The following TENM1 variants were observed in gnomAD, a reference collection of about 807,000 sequenced individuals.
TENM1 encodes the protein teneurin-1.
Under a neutral mutation model 174.8 loss-of-function variants are expected in TENM1, and 35 were observed. That is an observed-to-expected ratio of 0.20 (90% CI 0.15 to 0.27). TENM1 has a LOEUF of 0.27. TENM1 is among the 10% of genes least tolerant of loss of function. TENM1 has a pLI of 1.00. For synonymous variants in TENM1, 781 were observed against 798.7 expected, an observed-to-expected ratio of 0.98 and a Z score of 0.37; for missense variants, 1,633 against 2,130.1, an observed-to-expected ratio of 0.77 and a Z score of 4.59.
At chrX:124,885,737 T>C (rs1382001854) in intron 3 of TENM1, among the ~76,000 whole-genome samples, 2 of 111,288 alleles carry the variant, frequency 1.8e-5, no homozygotes, top group African/African-American at 6.5e-5. Context: ...TTAAAAAATA[T>C]TACTTTTATA....
chrX:124,709,764 AC>A (rs928602428), intron 4 of TENM1, among the ~76,000 whole-genome samples: 31 of 110,931 alleles, frequency 2.8e-4, no homozygotes, highest in Non-Finnish European at 2.6e-4. Context: ...CCTGGGCCCA[AC>A]AAATACTATC....
intron 11 of TENM1, among the ~76,000 whole-genome samples, chrX:124,612,733 T>C (rs2050307257): frequency 9.0e-6 from 1 of 111,094 alleles, no homozygotes; most frequent in Non-Finnish European, 1.9e-5. Context: ...GACCTCCTTC[T>C]TTTCCTTGCT....
chrX:124,990,146 G>T, the TENM1 span, among the ~76,000 whole-genome samples: 1 of 110,886 alleles, frequency 9.0e-6, no homozygotes, highest in Non-Finnish European at 1.9e-5. Flanking sequence ...TTAAACTGAG[G>T]CCTTCTGGAT....
intron 3 of TENM1, among the ~76,000 whole-genome samples, chrX:124,739,172 CT>C (rs891897385): frequency 9.2e-6 from 1 of 109,185 alleles, no homozygotes; most frequent in Non-Finnish European, 1.9e-5. Context: ...TGCCTCTACC[CT>C]TTAGAAGCTT....
intron 20 of TENM1, among the ~76,000 whole-genome samples, chrX:124,488,155 A>G (rs2046990852): frequency 8.9e-6 from 1 of 111,963 alleles, no homozygotes; most frequent in Admixed American, 9.5e-5. Flanking sequence ...GGGACCTGAT[A>G]TGAGGTTTCT....
chrX:124,570,317 T>C (rs1395112302), intron 11 of TENM1, among the ~76,000 whole-genome samples: 4 of 111,180 alleles, frequency 3.6e-5, no homozygotes, highest in African/African-American at 1.3e-4. Flanking sequence ...TTCCAAAAAA[T>C]AGAAAAGAGG....
chrX:124,816,385 C>T (rs1189333596), intron 3 of TENM1, among the ~76,000 whole-genome samples: 1 of 111,905 alleles, frequency 8.9e-6, no homozygotes, highest in East Asian at 2.8e-4. Context: ...TCAAAGTATA[C>T]AATAGTTCAA....
At chrX:124,507,140 A>C (rs1270599300) in intron 18 of TENM1, among the ~76,000 whole-genome samples, 1 of 111,699 alleles carries the variant, frequency 9.0e-6, no homozygotes, top group Non-Finnish European at 1.9e-5. Flanking sequence ...TTAACATCTC[A>C]GAGAAGCTGT....
At chrX:125,091,501 G>A in the TENM1 span, among the ~76,000 whole-genome samples, 2,514 of 111,715 alleles carry the variant, frequency 0.023, 31 homozygotes, top group Non-Finnish European at 0.036. Flanking sequence ...GGTAGGTTGA[G>A]TGTGTTAAGC....
chrX:124,473,533 A>C (rs1270777297), intron 22 of TENM1, among the ~76,000 whole-genome samples: 1 of 111,643 alleles, frequency 9.0e-6, no homozygotes, highest in Non-Finnish European at 1.9e-5. Context: ...TAGGCGTCCA[A>C]GTTTCATTCT....
At chrX:124,777,994 T>G (rs7063908) in intron 3 of TENM1, among the ~76,000 whole-genome samples, 5,130 of 112,713 alleles carry the variant, frequency 0.046, 184 homozygotes, top group African/African-American at 0.12. Context: ...TCAAAAACAG[T>G]CGATAGGCCA....
At chrX:124,747,631 A>G (rs2053954285) in intron 3 of TENM1, among the ~76,000 whole-genome samples, 1 of 109,276 alleles carries the variant, frequency 9.2e-6, no homozygotes, top group Non-Finnish European at 1.9e-5. Context: ...AAAGGTACTC[A>G]TGTACCTTGT....
chrX:125,179,854 T>C, the TENM1 span, among the ~76,000 whole-genome samples: 2 of 107,281 alleles, frequency 1.9e-5, no homozygotes, highest in African/African-American at 6.8e-5. Flanking sequence ...CAACTCTGTC[T>C]CTTCATTGCT....
intron 3 of TENM1, among the ~76,000 whole-genome samples, chrX:124,837,868 T>TA (rs2147350754): frequency 8.9e-6 from 1 of 112,412 alleles, no homozygotes; most frequent in South Asian, 3.6e-4. Flanking sequence ...TAGTTAGGTG[T>TA]AAAAAACCAA....
chrX:125,043,318 GA>G, the TENM1 span, among the ~76,000 whole-genome samples: 1 of 1,319 alleles, frequency 7.6e-4, no homozygotes, highest in Admixed American at 0.014. Context: ...AAATTTACAA[GA>G]AAAAAACAAA....
chrX:125,006,026 C>T, the TENM1 span, among the ~76,000 whole-genome samples: 10,678 of 111,227 alleles, frequency 0.096, 502 homozygotes, highest in South Asian at 0.21. Context: ...GAACCGCCCA[C>T]TCCCCTGGAA....
chrX:124,393,921 C>T (rs1430558125), intron 27 of TENM1, among the ~76,000 whole-genome samples: 1 of 112,471 alleles, frequency 8.9e-6, no homozygotes, highest in Non-Finnish European at 1.9e-5. Flanking sequence ...AGTGATGTTA[C>T]CACTTTACAC....
intron 4 of TENM1, among the ~76,000 whole-genome samples, chrX:124,729,368 C>T (rs1418353696): frequency 1.8e-5 from 2 of 111,909 alleles, no homozygotes; most frequent in South Asian, 3.7e-4. Flanking sequence ...TGAAAACAGC[C>T]CCATGAGGTA....
chrX:124,563,926 T>C (rs188241086), intron 12 of TENM1, among the ~76,000 whole-genome samples, 154 bp from the exon 16 acceptor site: 1 of 111,794 alleles, frequency 8.9e-6, no homozygotes, highest in East Asian at 2.8e-4. Flanking sequence ...TACATGGGCC[T>C]GTGTAGTTTG....
Sources: allele counts gnomAD v4.1 joint callset (sites outside exome capture counted in the v4.1 genomes callset), GRCh38; gene constraint gnomAD v4.1.1; transcripts MANE v1.5; gene names NCBI Gene and HGNC (gene_info 2026-07-23, HGNC 2026-07-21).